Variants in GALNT14 observed in about 807,000 individuals in gnomAD.
The protein encoded by GALNT14 is UDP-GalNAc:polypeptide N-acetylgalactosaminyltransferase 14.
In GALNT14, 60 loss-of-function variants were observed where a neutral mutation model predicts 77.5. The ratio of observed to expected loss-of-function variants is 0.77; its 90% CI spans 0.63 to 0.96. GALNT14 has a LOEUF of 0.96. Among genes scored for constraint, GALNT14 ranks in the 40% least tolerant of loss-of-function variants. The probability of loss-of-function intolerance (pLI) is 0.00; values close to 1 mark genes in which losing one functional copy is unlikely to be tolerated. For synonymous variants in GALNT14, 280 were observed against 281.7 expected (o/e 0.99, Z 0.06); for missense variants, 710 against 731.0 (o/e 0.97, Z 0.33).
rs139182239 is a variant in GALNT14, at chr2:31,080,755, A to T, written c.129+57203T>A. Among the ~76,000 whole-genome samples the T allele has an allele frequency of 5.5e-3, 844 of 152,338 alleles. 14 individuals carry two copies. Among genetic ancestry groups the T allele is most frequent in the Non-Finnish European group, 5.8e-3 (394 of 68,030 alleles). On this transcript the variant is annotated intron_variant, in intron 1 of 14. Coordinates refer to ENST00000349752, the MANE Select transcript of GALNT14 (RefSeq NM_024572.4). ...TGGAACTTGGAAATCACTGGGTTCT[A>T]TTAAACCCTAATGTCATGATTCTAT...
At chr2:30,980,854 G>A (rs2148376587) in intron 2 of GALNT14, among the ~76,000 whole-genome samples, 1 of 152,364 alleles carries the variant, frequency 6.6e-6, no homozygotes, top group South Asian at 2.1e-4. Flanking sequence ...GGCCAAGGCA[G>A]GTGGATCACC....
intron 2 of GALNT14, among the ~76,000 whole-genome samples, chr2:30,970,826 C>T (rs1668304105): frequency 1.3e-5 from 2 of 152,158 alleles, no homozygotes; most frequent in South Asian, 4.1e-4. Context: ...TCCTCCTGCC[C>T]CTGCTCACAG....
intron 1 of GALNT14, among the ~76,000 whole-genome samples, chr2:31,024,971 A>C (rs768488669): frequency 2.0e-5 from 3 of 152,210 alleles, no homozygotes; most frequent in Non-Finnish European, 4.4e-5. Flanking sequence ...GCTCCACTCT[A>C]CCATGGACTG....
At chr2:31,065,609 C>G (rs1257701618) in intron 1 of GALNT14, among the ~76,000 whole-genome samples, 3 of 152,198 alleles carry the variant, frequency 2.0e-5, no homozygotes, top group African/African-American at 7.2e-5. Context: ...GATGCTGCTG[C>G]TGCACACCTT....
chr2:31,090,087 T>G lies in GALNT14; in HGVS notation c.129+47871A>C, dbSNP rs537666868. On this transcript the variant is annotated intron_variant, in intron 1 of 14. Transcript: ENST00000349752. The stretch of plus-strand genomic sequence containing the variant: ...TCCACTCCTCCATCCCCTCAAGGGC[T>G]CCGATCCACCCTCCCAAGTTCCCAT... Among the ~76,000 whole-genome samples, 6 of 152,262 alleles carry G rather than the reference T, an allele frequency of 3.9e-5. No homozygotes were observed. In the South Asian group the frequency reaches 1.2e-3, roughly 32 times the overall value.
At chr2:30,985,334 C>CA (rs1242159139) in intron 2 of GALNT14, among the ~76,000 whole-genome samples, 1 of 152,038 alleles carries the variant, frequency 6.6e-6, no homozygotes, top group Admixed American at 6.6e-5. Flanking sequence ...CCCTGAAACT[C>CA]AAAAAAACAG....
At chr2:30,962,270 G>A (rs1042698510) in intron 3 of GALNT14, among the ~76,000 whole-genome samples, 1 of 152,224 alleles carries the variant, frequency 6.6e-6, no homozygotes, top group Non-Finnish European at 1.5e-5. Flanking sequence ...AGGAAACTGA[G>A]GCAGAAAGGC....
intron 11 of GALNT14, 93 bp downstream of exon 11, chr2:30,929,297 TAGCTA>T: frequency 2.4e-6 from 2 of 829,538 alleles, no homozygotes; most frequent in Non-Finnish European, 4.0e-6. Flanking sequence ...GAGCTGAGGG[TAGCTA>T]AGCTGACTGG....
At chr2:30,923,442 G>A (rs1398252699) in intron 13 of GALNT14, among the ~76,000 whole-genome samples, 1 of 152,124 alleles carries the variant, frequency 6.6e-6, no homozygotes, top group East Asian at 1.9e-4. Context: ...AGCCTCAGAT[G>A]GGAGAAGACT....
chr2:31,046,924 C>T (rs541432826), intron 1 of GALNT14, among the ~76,000 whole-genome samples: 5 of 152,204 alleles, frequency 3.3e-5, no homozygotes, highest in South Asian at 2.1e-4. Flanking sequence ...TTCCTACAAG[C>T]GAGGCAACAC....
At chr2:31,024,157 C>T (rs1671902687) in intron 1 of GALNT14, among the ~76,000 whole-genome samples, 1 of 152,076 alleles carries the variant, frequency 6.6e-6, no homozygotes, top group Admixed American at 6.6e-5. Context: ...CTGTGGACTC[C>T]TCCTTGAAAT....
chr2:30,948,075 C>G (rs560180064), intron 6 of GALNT14, among the ~76,000 whole-genome samples: 1 of 152,210 alleles, frequency 6.6e-6, no homozygotes, highest in Non-Finnish European at 1.5e-5. Flanking sequence ...ATACTGCAGG[C>G]ACACAAACAC....
At chr2:30,960,082 A>C (rs933465061) in intron 3 of GALNT14, among the ~76,000 whole-genome samples, 2 of 152,306 alleles carry the variant, frequency 1.3e-5, no homozygotes, top group South Asian at 2.1e-4. Context: ...CATGGCAACT[A>C]GTATCAGATG....
Position 31,054,420 on chromosome 2 carries a change from T to C in GALNT14, c.130-61413A>G, listed in dbSNP as rs114718654. On this transcript the variant is annotated intron_variant, in intron 1 of 14. Coordinates refer to ENST00000349752, the MANE Select transcript of GALNT14 (RefSeq NM_024572.4). The stretch of plus-strand genomic sequence containing the variant: ...AAAGTGGCCTGTCCCTCCGTCCTCA[T>C]ATCCTGTTTTATTGTTACTATGGCA... Among the ~76,000 whole-genome samples the C allele has an allele frequency of 5.4e-3, 823 of 152,288 alleles. 9 individuals are homozygous for C. The highest frequency in any genetic ancestry group is 0.019 in the African/African-American group (798 of 41,562).
chr2:31,073,116 C>T (rs1415916324), intron 1 of GALNT14: 2 of 152,182 alleles, frequency 1.3e-5, no homozygotes, highest in Admixed American at 1.3e-4. Flanking sequence ...CCAGCTCCAA[C>T]GCTAACCAGC....
intron 2 of GALNT14, among the ~76,000 whole-genome samples, chr2:30,980,758 T>A (rs1186799939): frequency 6.6e-6 from 1 of 152,192 alleles, no homozygotes; most frequent in Non-Finnish European, 1.5e-5. Context: ...GAGAAAGAGC[T>A]GGGAAAGCAC....
intron 1 of GALNT14, among the ~76,000 whole-genome samples, chr2:31,057,438 C>T (rs892360133): frequency 2.7e-5 from 4 of 146,562 alleles, no homozygotes; most frequent in South Asian, 2.2e-4. Context: ...CACACACACA[C>T]GGCTGTTGCA....
At chr2:31,029,431 C>G (rs1360051208) in intron 1 of GALNT14, among the ~76,000 whole-genome samples, 3 of 152,176 alleles carry the variant, frequency 2.0e-5, no homozygotes, top group Non-Finnish European at 4.4e-5. Context: ...CCATCTGGTC[C>G]TCCACAGAGC....
At chr2:30,937,424 C>T (rs1666121834) in intron 9 of GALNT14, among the ~76,000 whole-genome samples, 3 of 152,196 alleles carry the variant, frequency 2.0e-5, no homozygotes, top group South Asian at 2.1e-4. Context: ...AACAGGATGG[C>T]TTCTTTCTGA....
Sources: allele counts gnomAD v4.1 joint callset (sites outside exome capture counted in the v4.1 genomes callset), GRCh38; gene constraint gnomAD v4.1.1; transcripts MANE v1.5; gene names NCBI Gene and HGNC (gene_info 2026-07-23, HGNC 2026-07-21).